The following ADIPOR2 variants were observed in gnomAD, a reference collection of about 807,000 sequenced individuals.
ADIPOR2 encodes the protein adiponectin receptor 2, also known as adiponectin receptor protein 2.
In ADIPOR2, 18 loss-of-function variants were observed where a neutral mutation model predicts 40.9. That is an observed-to-expected ratio of 0.44 (90% CI 0.30 to 0.65). The LOEUF is 0.65. Among genes scored for constraint, ADIPOR2 ranks in the 30% least tolerant of loss-of-function variants. The pLI is 0.09. For synonymous variants in ADIPOR2, 165 were observed against 166.4 expected (o/e 0.99, Z 0.06); for missense variants, 283 against 479.2 (o/e 0.59, Z 3.82).
In ADIPOR2 at chr12:1,754,922, CCAGG is replaced by C. The variant is rs1297659202; in HGVS notation, c.171+410_171+413del. On this transcript the variant is annotated intron_variant, in intron 2 of 7. Transcript: ENST00000357103. ...CAGAGATGAGGTTTTGCCATGTTGG[CCAGG>C]CTGGTCTCGAACTCCTTACCTCAGG... 1.4e-4 allele frequency among the ~76,000 whole-genome samples: 13 copies of C among 92,804 alleles called. 3 individuals are homozygous for C. Among genetic ancestry groups the C allele is most frequent in the South Asian group, 3.6e-4 (1 of 2,740 alleles). 60.9% of individuals were successfully genotyped at this position (92,804 alleles called of 152,430 possible). A position where few individuals can be genotyped will look rare whatever the true frequency, so the allele number is the denominator to read the frequency against.
intron 2 of ADIPOR2, among the ~76,000 whole-genome samples, chr12:1,755,948 G>A (rs1294578734): frequency 2.0e-5 from 3 of 151,704 alleles, no homozygotes; most frequent in Non-Finnish European, 4.4e-5. Context: ...TTCTTACTAC[G>A]GGTTGTGGTT....
intron 1 of ADIPOR2, among the ~76,000 whole-genome samples, chr12:1,701,393 A>G (rs1206181986): frequency 2.0e-5 from 3 of 152,074 alleles, no homozygotes; most frequent in Non-Finnish European, 2.9e-5. Flanking sequence ...AAGTGCTGGG[A>G]TTACAGGTGT....
In ADIPOR2 at chr12:1,786,318, T is replaced by C; in HGVS notation, c.*246T>C. 2 of 453,282 alleles carry C rather than the reference T, an allele frequency of 4.4e-6. No homozygotes were observed. The highest frequency in any genetic ancestry group is 3.8e-6 in the Non-Finnish European group (1 of 260,496). The allele number at this position is 453,282 out of a possible 1,614,324, so 28.1% of individuals were successfully genotyped here. Reference sequence around the variant, plus strand: ...AGACATAGCCCAAACCCTGGCTTATTCTTGGGATCTACTGATTGCGGGCTC... The same window carrying C: ...AGACATAGCCCAAACCCTGGCTTATCCTTGGGATCTACTGATTGCGGGCTC... On this transcript the variant is annotated 3_prime_UTR_variant, in exon 8 of 8. Coordinates refer to ENST00000357103, the MANE Select transcript of ADIPOR2 (RefSeq NM_024551.3).
chr12:1,763,995 C>CA (rs1862323400), intron 2 of ADIPOR2, among the ~76,000 whole-genome samples: 1 of 152,104 alleles, frequency 6.6e-6, no homozygotes, highest in South Asian at 2.1e-4. Flanking sequence ...AAAAATTACA[C>CA]ATATAATGTA....
chr12:1,723,710 G>A (rs1176669465), intron 1 of ADIPOR2, among the ~76,000 whole-genome samples: 1 of 151,846 alleles, frequency 6.6e-6, no homozygotes, highest in South Asian at 2.1e-4. Context: ...CTGCAAAAAA[G>A]CCAATCCTGA....
chr12:1,754,747 C>CTAT (rs1169211456), intron 2 of ADIPOR2, among the ~76,000 whole-genome samples: 1 of 150,460 alleles, frequency 6.6e-6, no homozygotes, highest in Non-Finnish European at 1.5e-5. Context: ...ACTACTACTA[C>CTAT]TATTGAGACG....
intron 1 of ADIPOR2, among the ~76,000 whole-genome samples, chr12:1,716,473 G>A (rs573071752): frequency 2.0e-5 from 3 of 152,258 alleles, no homozygotes; most frequent in African/African-American, 4.8e-5. Context: ...TTTAACCTTC[G>A]ATTGTTTGTA....
chr12:1,727,639 A>G (rs1372868255), intron 1 of ADIPOR2, among the ~76,000 whole-genome samples: 2 of 152,052 alleles, frequency 1.3e-5, no homozygotes, highest in Non-Finnish European at 2.9e-5. Flanking sequence ...AGTGGATTCC[A>G]AGAATCGAAA....
chr12:1,750,479 G>C (rs1415724930), intron 1 of ADIPOR2, among the ~76,000 whole-genome samples: 1 of 151,684 alleles, frequency 6.6e-6, no homozygotes, highest in East Asian at 1.9e-4. Flanking sequence ...AGGGCAGGAG[G>C]ATCCGTTGAG....
intron 1 of ADIPOR2, among the ~76,000 whole-genome samples, chr12:1,713,830 T>G (rs2094682443): frequency 6.6e-6 from 1 of 151,906 alleles, no homozygotes; most frequent in Admixed American, 6.6e-5. Flanking sequence ...GGACAGGAGA[T>G]TAACACTGAG....
At chr12:1,741,407 G>A (rs1210086553) in intron 1 of ADIPOR2, among the ~76,000 whole-genome samples, 2 of 152,144 alleles carry the variant, frequency 1.3e-5, no homozygotes, top group African/African-American at 2.4e-5. Context: ...TAAAATCCAT[G>A]TATTATTTAC....
At position 1,754,375 on chromosome 12, in the gene ADIPOR2, G is replaced by C; in HGVS notation, c.32G>C (p.Cys11Ser). The change falls in exon 2 of 8, where the codon TGC becomes TCC. Residue 11 changes from cysteine (C) to serine (S), a missense_variant. By Grantham distance (112) the Cys-to-Ser change is moderately radical. Around this residue, in one of 3 missense-constraint regions of ADIPOR2, gnomAD observed 65 missense variants for 79.9 expected, o/e 0.81. Coordinates refer to ENST00000357103, the MANE Select transcript of ADIPOR2 (RefSeq NM_024551.3). ...GAGCCAACAGAAAACCGATTGGGGT[G>C]CAGCAGGACTCCAGAGCCAGATATA... MNEPTENRLG[C>S]SRTPEPDIRL... is the part of the protein sequence containing the mutation. 6.2e-7 allele frequency: 1 copy of C among 1,611,000 alleles called. No individual in the cohort carries two copies. Among genetic ancestry groups the C allele is most frequent in the Non-Finnish European group, 8.5e-7 (1 of 1,178,674 alleles).
intron 1 of ADIPOR2, among the ~76,000 whole-genome samples, chr12:1,691,785 G>T (rs1425597630): frequency 2.0e-5 from 3 of 152,130 alleles, no homozygotes; most frequent in African/African-American, 7.2e-5. Flanking sequence ...CGATGACAGG[G>T]TTATAAATCA....
chr12:1,714,719 G>A (rs185069213), intron 1 of ADIPOR2, among the ~76,000 whole-genome samples: 78 of 152,158 alleles, frequency 5.1e-4, no homozygotes, highest in African/African-American at 1.1e-3. Flanking sequence ...CCCTTTCTTC[G>A]ACTGTCATTC....
intron 1 of ADIPOR2, among the ~76,000 whole-genome samples, chr12:1,718,523 A>G (rs907964184): frequency 1.3e-5 from 2 of 152,138 alleles, no homozygotes; most frequent in African/African-American, 4.8e-5. Context: ...TCTTTTTAGA[A>G]AGTCAAATTT....
At chr12:1,718,728 A>G (rs1015381360) in intron 1 of ADIPOR2, among the ~76,000 whole-genome samples, 3 of 152,188 alleles carry the variant, frequency 2.0e-5, no homozygotes, top group African/African-American at 7.2e-5. Flanking sequence ...CATGGGTACA[A>G]TAAGAGACCA....
intron 2 of ADIPOR2, among the ~76,000 whole-genome samples, chr12:1,770,461 A>G (rs945665709): frequency 1.4e-4 from 21 of 152,232 alleles, no homozygotes; most frequent in Non-Finnish European, 4.4e-5. Flanking sequence ...GCTATTTTAT[A>G]TAACATAATT....
chr12:1,731,526 G>C (rs1162369114), intron 1 of ADIPOR2, among the ~76,000 whole-genome samples: 1 of 152,088 alleles, frequency 6.6e-6, no homozygotes, highest in Admixed American at 6.5e-5. Flanking sequence ...TCTTCTCCCA[G>C]TTCCTGGTAA....
At chr12:1,692,711 A>G (rs1425867999) in intron 1 of ADIPOR2, among the ~76,000 whole-genome samples, 1 of 147,760 alleles carries the variant, frequency 6.8e-6, no homozygotes, top group Non-Finnish European at 1.5e-5. Flanking sequence ...TATCAATAGT[A>G]TCAATTTAGC....
Sources: allele counts gnomAD v4.1 joint callset (sites outside exome capture counted in the v4.1 genomes callset), GRCh38; gene constraint gnomAD v4.1.1; regional missense constraint gnomAD v4.1.1; transcripts MANE v1.5; gene names NCBI Gene and HGNC (gene_info 2026-07-23, HGNC 2026-07-21).